Variants in DHX38 observed in about 807,000 individuals in gnomAD.
DHX38 encodes DEAH-box helicase 38.
DHX38 carries 100 observed loss-of-function variants against 153.1 expected under a neutral mutation model. That is an observed-to-expected ratio of 0.65 (90% CI 0.56 to 0.77). The LOEUF is 0.77. Ranked by LOEUF, DHX38 falls within the 30% of genes least tolerant of loss-of-function variation. The pLI is 0.00. For synonymous variants in DHX38, 650 were observed against 631.7 expected, an observed-to-expected ratio of 1.03 and a Z score of -0.43; for missense variants, 1,440 against 1,654.0, an observed-to-expected ratio of 0.87 and a Z score of 2.24.
intron 8 of DHX38, 127 bp downstream of exon 8, chr16:72,100,014 T>C (rs2042079156): frequency 7.7e-7 from 1 of 1,304,410 alleles, no homozygotes; most frequent in Non-Finnish European, 1.0e-6. Context: ...CCAGATCCTC[T>C]GGAGGTGGAA....
Position 72,112,469 on chromosome 16 carries a change from GC to G in DHX38, c.3658del (p.Arg1220AlafsTer31). On this transcript the variant is annotated frameshift_variant, in exon 27 of 27. Transcript: ENST00000268482. LOFTEE classifies it high-confidence loss of function. ...RKEQGEPMTP[R>X]RTPARFGL ...GAGCAAGGGGAGCCCATGACCCCTC[GC>G]CGCACGCCAGCCCGCTTTGGTCTGT... 6.2e-7 allele frequency: 1 copy of G among 1,612,106 alleles called. No homozygotes were observed. The highest frequency in any genetic ancestry group is 8.5e-7 in the Non-Finnish European group (1 of 1,180,012).
At position 72,103,808 on chromosome 16, in the gene DHX38, G is replaced by T; in HGVS notation, c.1824+20G>T. 1 of 1,603,592 alleles carries T rather than the reference G, an allele frequency of 6.2e-7. No homozygotes were observed. Among genetic ancestry groups the T allele is most frequent in the Non-Finnish European group, 8.5e-7 (1 of 1,171,276 alleles). Reference sequence around the variant, plus strand: ...GAGGAGGTGAGTGGGCGTGGGGGCTGAGCCATGTAGTTATTCCCTAGTAGC... The same window carrying T: ...GAGGAGGTGAGTGGGCGTGGGGGCTTAGCCATGTAGTTATTCCCTAGTAGC... On this transcript the variant is annotated intron_variant, in intron 13 of 26. Transcript: ENST00000268482.
At chr16:72,108,995 CG>C in intron 24 of DHX38, 70 bp downstream of exon 24, 1 of 1,521,184 alleles carries the variant, frequency 6.6e-7, no homozygotes, top group Admixed American at 2.2e-5. Flanking sequence ...CCCTTCACTG[CG>C]TTCTGGCATG....
Position 72,097,684 on chromosome 16 carries a change from G to T in DHX38, c.519G>T (p.Arg173=), listed in dbSNP as rs140736447. ...DYDRKRDRDE[R]DRSRHSSRSE... is the part of the protein sequence containing the mutation. The stretch of plus-strand genomic sequence containing the variant: ...TCGTGTGACTCTTCATAGATGAGCG[G>T]GATAGAAGTAGGCACAGCAGCAGAT... The change falls in exon 4 of 27, where the codon CGG becomes CGT. Residue 173 remains arginine (R), a synonymous_variant. Transcript: ENST00000268482. 2 of 1,613,808 alleles carry T rather than the reference G, an allele frequency of 1.2e-6. No homozygotes were observed. The highest frequency in any genetic ancestry group is 1.7e-6 in the Non-Finnish European group (2 of 1,179,918).
In DHX38 at chr16:72,107,198, T is replaced by C; in HGVS notation, c.2601-142T>C. On this transcript the variant is annotated intron_variant, in intron 19 of 26. Coordinates refer to ENST00000268482, the MANE Select transcript of DHX38 (RefSeq NM_014003.4). This position sits in a 1 kb window ranked among gnomAD's most constrained non-coding sequence, Gnocchi z 5.3. Reference sequence around the variant, plus strand: ...GGGCTAAATTGGCAGATTGGAGTTTTGAATAGGTGGAAGTCAGTGATTCAC... The same window carrying C: ...GGGCTAAATTGGCAGATTGGAGTTTCGAATAGGTGGAAGTCAGTGATTCAC... 5.9e-6 allele frequency: 5 copies of C among 852,764 alleles called. No individual in the cohort carries two copies. The highest frequency in any genetic ancestry group is 8.9e-6 in the Non-Finnish European group (5 of 562,414). 52.8% of individuals were successfully genotyped at this position (852,764 alleles called of 1,614,324 possible).
chr16:72,099,584 T>G (rs999660735), intron 7 of DHX38, 148 bp from the exon 8 acceptor site: 18 of 1,071,250 alleles, frequency 1.7e-5, no homozygotes, highest in Middle Eastern at 6.1e-4. Context: ...ATGGCATGTG[T>G]CTGCAGGGAG....
At chr16:72,109,648 G>GATCACA in intron 25 of DHX38, 138 bp downstream of exon 25, 1 of 798,422 alleles carries the variant, frequency 1.3e-6, no homozygotes, top group Non-Finnish European at 1.8e-6. Flanking sequence ...CAGCAGGCTG[G>GATCACA]GTCTGTCTGA....
At chr16:72,100,345 G>A (rs1003669662) in intron 8 of DHX38, 91 bp from the exon 9 acceptor site, 1 of 1,501,520 alleles carries the variant, frequency 6.7e-7, no homozygotes. Flanking sequence ...GTGGCCTTCT[G>A]TCAGGACTTG....
intron 21 of DHX38, 94 bp from the exon 22 acceptor site, chr16:72,108,133 G>T: frequency 7.2e-7 from 1 of 1,389,414 alleles, no homozygotes; most frequent in Non-Finnish European, 9.9e-7. Flanking sequence ...GAAGTTCTAT[G>T]TGTGGGTAGG....
intron 1 of DHX38, chr16:72,094,395 A>G (rs2041975553): frequency 6.6e-6 from 1 of 152,040 alleles, no homozygotes; most frequent in African/African-American, 2.4e-5. Flanking sequence ...GCTCTCTCAC[A>G]GTGTCATTTA....
At chr16:72,101,382 C>T (rs2042098345) in intron 10 of DHX38, 118 bp from the exon 11 acceptor site, 2 of 1,193,028 alleles carry the variant, frequency 1.7e-6, no homozygotes, top group African/African-American at 1.5e-5. Context: ...CTCGGTGCCA[C>T]CAGCACTCTG....
At chr16:72,105,175 T>G (rs769589059) in intron 16 of DHX38, 38 bp downstream of exon 16, 7 of 1,613,762 alleles carry the variant, frequency 4.3e-6, no homozygotes, top group Non-Finnish European at 5.9e-6. Context: ...AGCGGGTGTG[T>G]CTTGCATATG....
Position 72,101,493 on chromosome 16 carries a change from T to G in DHX38, c.1387-7T>G. ...GGATGGAGCAGACTGACCTTTTTCC[T>G]TTTCAGGCTCAGCACAAACACTGGG... is the stretch of plus-strand genomic sequence containing the variant. On this transcript the variant is annotated splice_region_variant and splice_polypyrimidine_tract_variant and intron_variant, in intron 10 of 26. Transcript: ENST00000268482. 6.4e-7 allele frequency: 1 copy of G among 1,551,474 alleles called. No individual in the cohort carries two copies. The highest frequency in any genetic ancestry group is 8.7e-7 in the Non-Finnish European group (1 of 1,146,834).
rs2042165322 is a variant in DHX38, at chr16:72,105,639, G to A, written c.2487+15G>A. On this transcript the variant is annotated intron_variant, in intron 18 of 26. Coordinates refer to ENST00000268482, the MANE Select transcript of DHX38 (RefSeq NM_014003.4). The stretch of plus-strand genomic sequence containing the variant: ...GCAAATTAAAGGTAAGAGAAGACAT[G>A]GGAGGCAAGGCCTGGGTGTTCACCA... 8 of 1,612,842 alleles carry A rather than the reference G, an allele frequency of 5.0e-6. No homozygotes were observed. The highest frequency in any genetic ancestry group is 5.9e-6 in the Non-Finnish European group (7 of 1,178,878).
In DHX38 at chr16:72,098,687, G is replaced by C. The variant is rs140965988; in HGVS notation, c.659G>C (p.Ser220Thr). The C allele has an allele frequency of 6.2e-7, 1 of 1,614,218 alleles. No individual in the cohort carries two copies. Among genetic ancestry groups the C allele is most frequent in the East Asian group, 2.2e-5 (1 of 44,872 alleles). The change falls in exon 5 of 27, where the codon AGT becomes ACT. Residue 220 changes from serine to threonine, a missense_variant. By Grantham distance (58) the Ser-to-Thr change is moderately conservative (BLOSUM62 1). This residue lies in a region of DHX38 where 483 missense variants were observed against 465.1 expected (regional missense o/e 1.04). Transcript: ENST00000268482. ...AGGTCTACCTGGGAGGAAGAGGACA[G>C]TGGCTATGGCTCCTCAAGGCGCTCA... ...PSRSTWEEED[S>T]GYGSSRRSQW...
intron 5 of DHX38, 50 bp from the exon 6 acceptor site, chr16:72,098,877 C>A: frequency 6.2e-7 from 1 of 1,613,794 alleles, no homozygotes; most frequent in Non-Finnish European, 8.5e-7. Flanking sequence ...GCCAGGAGGA[C>A]GTGGCTTAGC....
chr16:72,107,350 C>T lies in DHX38; in HGVS notation c.2611C>T (p.Gln871Ter). 6.2e-7 allele frequency: 1 copy of T among 1,609,326 alleles called. No homozygotes were observed. Among genetic ancestry groups the T allele is most frequent in the Non-Finnish European group, 8.5e-7 (1 of 1,179,754 alleles). ...GPGQCFRLYT[Q>*]SAYKNELLTT... Reference sequence around the variant, plus strand: ...TCTTCTCCCCGGCAGGCTCTACACCCAGAGCGCCTACAAGAATGAGCTCCT... The same window carrying T: ...TCTTCTCCCCGGCAGGCTCTACACCTAGAGCGCCTACAAGAATGAGCTCCT... Residue 871 changes from glutamine (Q) to a stop codon, truncating the protein, a stop_gained, in exon 20 of 27, where the codon CAG becomes TAG. Coordinates refer to ENST00000268482, the MANE Select transcript of DHX38 (RefSeq NM_014003.4). LOFTEE classifies it high-confidence loss of function. The surrounding 1 kb of genome is among the most constrained non-coding windows in gnomAD (Gnocchi z 5.3).
chr16:72,105,420 C>T (rs969896341), intron 17 of DHX38, 72 bp downstream of exon 17: 4 of 1,600,144 alleles, frequency 2.5e-6, no homozygotes, highest in Non-Finnish European at 3.4e-6. Context: ...TGTGACTGTC[C>T]TGGCAGGGGG....
chr16:72,104,972 GC>G lies in DHX38; in HGVS notation c.2152-52del. The G allele has an allele frequency of 6.5e-7, 1 of 1,549,138 alleles. No individual in the cohort carries two copies. Among genetic ancestry groups the G allele is most frequent in the Non-Finnish European group, 8.8e-7 (1 of 1,136,026 alleles). ...CTGGGCCACTGGGCTCCCAGGAGAT[GC>G]CCGGCCTGCGCTTCTAGTACCTCCC... On this transcript the variant is annotated intron_variant, in intron 15 of 26. Transcript: ENST00000268482. This position sits in a 1 kb window ranked among gnomAD's most constrained non-coding sequence, Gnocchi z 4.5.
Sources: allele counts gnomAD v4.1 joint callset, GRCh38; gene constraint gnomAD v4.1.1; regional missense constraint gnomAD v4.1.1; non-coding constraint Gnocchi (gnomAD v3.1); transcripts MANE v1.5; gene names NCBI Gene and HGNC (gene_info 2026-07-23, HGNC 2026-07-21).